CDKAL1: variants seen among roughly 807,000 people sequenced by gnomAD.
CDKAL1 encodes the protein CDKAL1 threonylcarbamoyladenosine tRNA methylthiotransferase, also known as threonylcarbamoyladenosine tRNA methylthiotransferase.
Under a neutral mutation model 68.2 loss-of-function variants are expected in CDKAL1, and 32 were observed. The observed-to-expected ratio is 0.47, with a 90% confidence interval of 0.35 to 0.63. CDKAL1 has a LOEUF of 0.63. Ranked by LOEUF, CDKAL1 falls within the 30% of genes least tolerant of loss-of-function variation. The pLI, the probability that CDKAL1 is intolerant of heterozygous loss-of-function variation, is 0.00. For synonymous variants in CDKAL1, 234 were observed against 244.3 expected (o/e 0.96, Z 0.39); for missense variants, 606 against 696.7 (o/e 0.87, Z 1.47).
intron 15 of CDKAL1, among the ~76,000 whole-genome samples, chr6:21,201,830 G>A (rs555741094): frequency 8.6e-5 from 13 of 152,006 alleles, no homozygotes; most frequent in African/African-American, 1.2e-4. Flanking sequence ...AAATATGGCC[G>A]TTTGCCAAGC....
chr6:20,771,592 A>G (rs753657912), intron 7 of CDKAL1, among the ~76,000 whole-genome samples: 3 of 152,008 alleles, frequency 2.0e-5, no homozygotes, highest in Non-Finnish European at 4.4e-5. Flanking sequence ...CATAGTTTGG[A>G]TGTTTGTCTC....
At chr6:21,041,231 G>T (rs1288248935) in intron 11 of CDKAL1, among the ~76,000 whole-genome samples, 1 of 152,166 alleles carries the variant, frequency 6.6e-6, no homozygotes, top group East Asian at 1.9e-4. Context: ...TCATAGATTA[G>T]AGAGAGTGCA....
intron 9 of CDKAL1, among the ~76,000 whole-genome samples, chr6:20,927,682 G>T (rs1763245418): frequency 6.6e-6 from 1 of 152,110 alleles, no homozygotes; most frequent in Non-Finnish European, 1.5e-5. Flanking sequence ...TCTAAAACAG[G>T]AATGTGCTTT....
chr6:21,183,186 A>G (rs1417618740), intron 13 of CDKAL1, among the ~76,000 whole-genome samples: 4 of 152,070 alleles, frequency 2.6e-5, no homozygotes, highest in Non-Finnish European at 4.4e-5. Context: ...GCTACTGAAA[A>G]AAATGAATTG....
intron 9 of CDKAL1, among the ~76,000 whole-genome samples, chr6:20,872,580 C>T (rs1241581824): frequency 6.6e-6 from 1 of 152,174 alleles, no homozygotes; most frequent in African/African-American, 2.4e-5. Context: ...ATATTTCAGT[C>T]AGAGAACACT....
intron 8 of CDKAL1, among the ~76,000 whole-genome samples, chr6:20,815,022 G>T (rs1776986843): frequency 6.6e-6 from 1 of 152,138 alleles, no homozygotes; most frequent in Non-Finnish European, 1.5e-5. Flanking sequence ...CCTCCTCTCA[G>T]TTATCACTGT....
chr6:20,545,005 C>T (rs1369776674), intron 2 of CDKAL1, among the ~76,000 whole-genome samples: 1 of 151,282 alleles, frequency 6.6e-6, no homozygotes, highest in African/African-American at 2.4e-5. Flanking sequence ...TTGTGTTTGG[C>T]TGGAGTAGAA....
intron 8 of CDKAL1, among the ~76,000 whole-genome samples, chr6:20,822,887 T>C (rs1777344757): frequency 6.6e-6 from 1 of 152,186 alleles, no homozygotes; most frequent in African/African-American, 2.4e-5. Flanking sequence ...TTACCCAGTC[T>C]CTGGCAGTTC....
chr6:21,032,022 C>T (rs1769315302), intron 11 of CDKAL1, among the ~76,000 whole-genome samples: 1 of 151,994 alleles, frequency 6.6e-6, no homozygotes, highest in Non-Finnish European at 1.5e-5. Flanking sequence ...CATGCCATTT[C>T]GACTCCTGCA....
At chr6:20,978,743 A>G (rs1765965594) in intron 10 of CDKAL1, among the ~76,000 whole-genome samples, 1 of 152,232 alleles carries the variant, frequency 6.6e-6, no homozygotes, top group Non-Finnish European at 1.5e-5. Context: ...TTTTCAGTGA[A>G]AAATTAAAAT....
intron 8 of CDKAL1, among the ~76,000 whole-genome samples, chr6:20,795,449 A>G (rs751728852): frequency 3.3e-5 from 5 of 152,136 alleles, no homozygotes; most frequent in South Asian, 2.1e-4. Flanking sequence ...GCTGCATACT[A>G]TCCTTGAGAG....
At chr6:20,544,273 C>T (rs1402475156) in intron 2 of CDKAL1, among the ~76,000 whole-genome samples, 1 of 152,002 alleles carries the variant, frequency 6.6e-6, no homozygotes, top group Non-Finnish European at 1.5e-5. Context: ...ATACCACGGT[C>T]TCAATTATAG....
At chr6:20,573,747 T>A (rs1039642771) in intron 4 of CDKAL1, among the ~76,000 whole-genome samples, 5 of 152,190 alleles carry the variant, frequency 3.3e-5, no homozygotes, top group Admixed American at 2.0e-4. Flanking sequence ...ACCCATACAG[T>A]GACTTTAGAT....
rs114560527 is a variant in CDKAL1, at chr6:20,778,513, T to A, written c.518-2632T>A. 4.2e-3 allele frequency among the ~76,000 whole-genome samples: 632 copies of A among 152,274 alleles called. 5 individuals are homozygous for A. The highest frequency in any genetic ancestry group is 0.013 in the African/African-American group (546 of 41,534). ...TAGTTGGGACCAATGGGTGTATGTA[T>A]GGAAAGAGACGTAGTGTAAGGAATT... On this transcript the variant is annotated intron_variant, in intron 7 of 15. Transcript: ENST00000274695.
rs557274897 is a variant in CDKAL1, at chr6:20,902,604, TG to T, written c.743-52814del. Among the ~76,000 whole-genome samples the T allele has an allele frequency of 4.6e-5, 7 of 152,206 alleles. No homozygotes were observed. The South Asian group carries it at 1.5e-3, about 32-fold the overall frequency. ...TGAATATATGGCTATATCTGGAGTT[TG>T]AAAAAGGAATCTGGAATGCAGATAT... is the stretch of plus-strand genomic sequence containing the variant. On this transcript the variant is annotated intron_variant, in intron 9 of 15. Transcript: ENST00000274695.
intron 8 of CDKAL1, among the ~76,000 whole-genome samples, chr6:20,836,557 A>G (rs936852935): frequency 6.6e-6 from 1 of 152,166 alleles, no homozygotes; most frequent in African/African-American, 2.4e-5. Context: ...TTCCTTGCTC[A>G]TCTCTGAAAT....
chr6:21,011,375 C>T (rs1768010419), intron 11 of CDKAL1, among the ~76,000 whole-genome samples: 2 of 151,764 alleles, frequency 1.3e-5, no homozygotes, highest in African/African-American at 2.4e-5. Flanking sequence ...TAGAGCGAGA[C>T]TCTGTCTCAA....
intron 5 of CDKAL1, among the ~76,000 whole-genome samples, chr6:20,705,839 C>T (rs1013589796): frequency 2.6e-5 from 4 of 152,124 alleles, no homozygotes; most frequent in African/African-American, 9.7e-5. Flanking sequence ...CAGCCATTCT[C>T]GAATCTGTTT....
intron 13 of CDKAL1, among the ~76,000 whole-genome samples, chr6:21,111,914 G>T (rs180887307): frequency 7.4e-4 from 112 of 152,222 alleles, no homozygotes; most frequent in Non-Finnish European, 1.4e-3. Flanking sequence ...AGATAATCTG[G>T]TTATATTTTA....
Sources: allele counts gnomAD v4.1 joint callset (sites outside exome capture counted in the v4.1 genomes callset), GRCh38; gene constraint gnomAD v4.1.1; transcripts MANE v1.5; gene names NCBI Gene and HGNC (gene_info 2026-07-23, HGNC 2026-07-21).